STK3: variants seen among roughly 807,000 people sequenced by gnomAD.
STK3 encodes the protein serine/threonine-protein kinase 3.
In STK3, 41 loss-of-function variants were observed where a neutral mutation model predicts 58.0. The ratio of observed to expected loss-of-function variants is 0.71; its 90% CI spans 0.55 to 0.92. The LOEUF (loss-of-function observed/expected upper bound fraction) is 0.92. Among genes scored for constraint, STK3 ranks in the 40% least tolerant of loss-of-function variants. The pLI, the probability that STK3 is intolerant of heterozygous loss-of-function variation, is 0.00. For missense variants in STK3, 479 were observed against 602.7 expected (o/e 0.79, Z 2.15); for synonymous variants, 170 against 191.0 (o/e 0.89, Z 0.91).
At position 98,800,551 on chromosome 8, in the gene STK3, C is replaced by T. The variant is rs912732005; in HGVS notation, c.26+24964G>A. ...AGCCCCTCTCTGGGCTGGCCAAGGC[C>T]GGAGCCGGCTCCCTCTGCTTGCGGG... On this transcript the variant is annotated intron_variant, in intron 1 of 10. Transcript: ENST00000419617. This position sits in a 1 kb window ranked among gnomAD's most constrained non-coding sequence, Gnocchi z 4.8. Among the ~76,000 whole-genome samples, 4 of 152,318 alleles carry T rather than the reference C, an allele frequency of 2.6e-5. No homozygotes were observed. Among genetic ancestry groups the T allele is most frequent in the African/African-American group, 7.2e-5 (3 of 41,576 alleles).
intron 10 of STK3, among the ~76,000 whole-genome samples, chr8:98,477,902 C>T (rs1405388985): frequency 1.1e-4 from 17 of 151,960 alleles, no homozygotes; most frequent in Admixed American, 9.8e-4. Flanking sequence ...GCATCCCCAG[C>T]GTCTATTCAC....
chr8:98,792,209 C>T (rs1173401712), intron 1 of STK3, among the ~76,000 whole-genome samples: 2 of 152,160 alleles, frequency 1.3e-5, no homozygotes, highest in Non-Finnish European at 2.9e-5. Flanking sequence ...GGAAAAAATG[C>T]TCAACATCAC....
At chr8:98,713,667 A>G (rs952291336) in intron 4 of STK3, among the ~76,000 whole-genome samples, 3 of 152,124 alleles carry the variant, frequency 2.0e-5, no homozygotes, top group Non-Finnish European at 4.4e-5. Flanking sequence ...TCCAGGACCA[A>G]AAGGATTCAC....
intron 3 of STK3, chr8:98,413,816 C>A: frequency 1.7e-6 from 1 of 599,998 alleles, no homozygotes; most frequent in Non-Finnish European, 3.2e-6. Context: ...CAGGGTTCAC[C>A]CACAAACCCC....
intron 1 of STK3, among the ~76,000 whole-genome samples, chr8:98,896,296 G>C (rs1487435308): frequency 6.6e-6 from 1 of 152,162 alleles, no homozygotes; most frequent in Admixed American, 6.5e-5. Flanking sequence ...TTAAAGCAGT[G>C]ATTTTCAAGC....
intron 3 of STK3, chr8:98,429,103 T>G: frequency 6.2e-7 from 1 of 1,613,548 alleles, no homozygotes; most frequent in African/African-American, 1.3e-5. Flanking sequence ...ATGACCACAG[T>G]GGGGTACGGG....
Position 98,445,225 on chromosome 8 carries a change from T to C in STK3, n.186-8017A>G, listed in dbSNP as rs1818887078. ...TCCCCATTATTTTATTCCTTTTTAT[T>C]GCTAAATCATATTCCCCAGAATGGA... On this transcript the variant is annotated intron_variant and non_coding_transcript_variant, in intron 1 of 3. Coordinates refer to the STK3 transcript ENST00000517832. Among the ~76,000 whole-genome samples, 5 of 152,322 alleles carry C rather than the reference T, an allele frequency of 3.3e-5. No homozygotes were observed. In the South Asian group the frequency reaches 1.0e-3, roughly 32 times the overall value.
chr8:98,482,963 T>A (rs978323763), intron 10 of STK3, among the ~76,000 whole-genome samples: 1 of 152,178 alleles, frequency 6.6e-6, no homozygotes, highest in African/African-American at 2.4e-5. Flanking sequence ...CATACGGATT[T>A]TATAATGTTG....
At chr8:98,400,162 T>C (rs1010391093), downstream of STK3, among the ~76,000 whole-genome samples, 1 of 152,084 alleles carries the variant, frequency 6.6e-6, no homozygotes, top group African/African-American at 2.4e-5. Flanking sequence ...TCAGAGTCAG[T>C]GACAAGCCAG....
chr8:98,880,651 G>A (rs1837758108), downstream of STK3: 1 of 152,144 alleles, frequency 6.6e-6, no homozygotes, highest in South Asian at 2.1e-4. Context: ...ATCTGATAAA[G>A]GATGGGCAAA....
chr8:98,622,731 A>G (rs1818423862), intron 6 of STK3, among the ~76,000 whole-genome samples: 1 of 152,208 alleles, frequency 6.6e-6, no homozygotes, highest in African/African-American at 2.4e-5. Context: ...CTAATGTATT[A>G]AACTTTTATT....
At chr8:98,392,399 C>T (rs1328726529), upstream of STK3, among the ~76,000 whole-genome samples, 1 of 152,212 alleles carries the variant, frequency 6.6e-6, no homozygotes, top group Non-Finnish European at 1.5e-5. Flanking sequence ...TGAGGCTCCT[C>T]ATCAGAAAAG....
chr8:98,420,448 C>G (rs1818158508), intron 3 of STK3, among the ~76,000 whole-genome samples: 1 of 152,104 alleles, frequency 6.6e-6, no homozygotes, highest in Non-Finnish European at 1.5e-5. Flanking sequence ...ATGAATTAAA[C>G]TTTATCATAG....
chr8:98,429,302 G>A (rs775334831), intron 3 of STK3: 17 of 1,614,006 alleles, frequency 1.1e-5, no homozygotes, highest in East Asian at 4.5e-5. Flanking sequence ...AGGTCCCTTC[G>A]GTCAATTTAA....
chr8:98,595,916 GA>G, intron 7 of STK3, 115 bp downstream of exon 7: 1 of 1,168,904 alleles, frequency 8.6e-7, no homozygotes, highest in Non-Finnish European at 1.2e-6. Flanking sequence ...AACAGGAGGG[GA>G]GGGGAGGTTT....
intron 1 of STK3, among the ~76,000 whole-genome samples, chr8:98,813,160 T>C (rs1000795930): frequency 1.1e-4 from 16 of 152,226 alleles, no homozygotes; most frequent in Admixed American, 7.9e-4. Context: ...TCATTTAATC[T>C]TCACAAAACT....
intron 2 of STK3, among the ~76,000 whole-genome samples, chr8:98,374,003 T>C (rs1030429548): frequency 1.3e-5 from 2 of 152,322 alleles, no homozygotes; most frequent in Non-Finnish European, 2.9e-5. Context: ...AGATCTGAAA[T>C]GGAATGATCA....
At chr8:98,899,443 T>A (rs1838576378) in intron 1 of STK3, among the ~76,000 whole-genome samples, 1 of 152,216 alleles carries the variant, frequency 6.6e-6, no homozygotes, top group African/African-American at 2.4e-5. Context: ...ATGCACAGAC[T>A]TTTTTTCTTG....
intron 8 of STK3, among the ~76,000 whole-genome samples, chr8:98,574,056 C>G (rs1345158949): frequency 6.6e-6 from 1 of 152,098 alleles, no homozygotes; most frequent in Non-Finnish European, 1.5e-5. Context: ...TACCATGACA[C>G]ATGGGGATTA....
Sources: gnomAD v4.1 joint callset for allele counts (sites outside exome capture counted in the v4.1 genomes callset) on GRCh38, gnomAD v4.1.1 for gene constraint, Gnocchi (gnomAD v3.1) non-coding constraint, MANE v1.5 for transcripts, NCBI Gene and HGNC (gene_info 2026-07-23, HGNC 2026-07-21) for gene names.